The following MOGAT1 variants were observed in gnomAD, a reference collection of about 807,000 sequenced individuals.
MOGAT1 encodes the protein monoacylglycerol O-acyltransferase 1.
In MOGAT1, 32 loss-of-function variants were observed where a neutral mutation model predicts 31.4. The ratio of observed to expected loss-of-function variants is 1.02; its 90% confidence interval spans 0.77 to 1.37. The LOEUF (loss-of-function observed/expected upper bound fraction) is 1.37, where lower values mean the gene tolerates loss of function less well. Among genes scored for constraint, MOGAT1 ranks in the 40% most tolerant of loss-of-function variants. MOGAT1 has a pLI of 0.00. For synonymous variants in MOGAT1, 145 were observed against 144.5 expected (o/e 1.00, Z -0.03); for missense variants, 426 against 402.0 (o/e 1.06, Z -0.51).
At chr2:222,685,196 A>G (rs1222425874) in intron 1 of MOGAT1, among the ~76,000 whole-genome samples, 1 of 152,210 alleles carries the variant, frequency 6.6e-6, no homozygotes, top group Non-Finnish European at 1.5e-5. Context: ...GAGTGACAGG[A>G]ACTTGCCTCA....
intron 5 of MOGAT1, among the ~76,000 whole-genome samples, chr2:222,697,122 G>A (rs935307311): frequency 3.3e-5 from 5 of 152,172 alleles, no homozygotes; most frequent in African/African-American, 1.2e-4. Context: ...GAGCTAAAAT[G>A]AGAATGTGCT....
chr2:222,699,927 TTTAA>T (rs1255957827), intron 5 of MOGAT1, among the ~76,000 whole-genome samples: 34 of 152,354 alleles, frequency 2.2e-4, no homozygotes, highest in African/African-American at 7.2e-4. Context: ...TTAAATGCTG[TTTAA>T]TTAATAAAAT....
At chr2:222,681,000 G>A (rs186797830) in intron 1 of MOGAT1, among the ~76,000 whole-genome samples, 5 of 152,306 alleles carry the variant, frequency 3.3e-5, no homozygotes, top group Admixed American at 2.6e-4. Context: ...AGCGACAAGA[G>A]AGGGAAAATC....
At chr2:222,698,635 A>G (rs1054636207) in intron 5 of MOGAT1, 2 of 152,072 alleles carry the variant, frequency 1.3e-5, no homozygotes, top group African/African-American at 4.8e-5. Flanking sequence ...ACCTTCACCT[A>G]ATGGTTCAGG....
intron 1 of MOGAT1, among the ~76,000 whole-genome samples, chr2:222,684,413 A>G (rs1000069404): frequency 1.3e-5 from 2 of 152,314 alleles, no homozygotes; most frequent in East Asian, 3.8e-4. Context: ...CTCAAAAAAA[A>G]AAAGAAAGAA....
chr2:222,698,457 A>C (rs1474546624), intron 5 of MOGAT1, among the ~76,000 whole-genome samples: 1 of 152,216 alleles, frequency 6.6e-6, no homozygotes, highest in African/African-American at 2.4e-5. Flanking sequence ...TATGGACCCT[A>C]TCTCGGAAAT....
chr2:222,686,768 T>A (rs1412173540), intron 1 of MOGAT1, among the ~76,000 whole-genome samples: 1 of 152,198 alleles, frequency 6.6e-6, no homozygotes. Context: ...GTCAGTTTCC[T>A]GACTGGGTTC....
chr2:222,688,437 A>T lies in MOGAT1; in HGVS notation c.188A>T (p.His63Leu), dbSNP rs368911380. Residue 63 changes from histidine to leucine, a missense_variant, in exon 2 of 6, where the codon CAT (histidine) becomes CTT (leucine). Coordinates refer to ENST00000446656, the MANE Select transcript of MOGAT1 (RefSeq NM_058165.3). ...TTGATGTGGCTTTACTTTGACTGGCATACCCCAGAGCGAGGAGGCAGGAGA... is the reference window on the plus strand; with the variant it reads ...TTGATGTGGCTTTACTTTGACTGGCTTACCCCAGAGCGAGGAGGCAGGAGA... ...PYLMWLYFDWHTPERGGRRSS... is the reference protein window; with the variant it reads ...PYLMWLYFDWLTPERGGRRSS... 2.5e-6 allele frequency: 4 copies of T among 1,613,764 alleles called. No homozygotes were observed. The African/African-American group carries it at 5.3e-5, about 22-fold the overall frequency.
At chr2:222,693,551 C>T (rs1179750585) in intron 3 of MOGAT1, among the ~76,000 whole-genome samples, 1 of 149,626 alleles carries the variant, frequency 6.7e-6, no homozygotes, top group East Asian at 2.0e-4. Context: ...GAAAGACTTA[C>T]AGTTCTACAT....
chr2:222,671,723 G>A lies in MOGAT1; in HGVS notation c.-63G>A. On this transcript the variant is annotated 5_prime_UTR_variant, in exon 1 of 6. Transcript: ENST00000446656. ...CGGATCCGGCCGGGCACTTCCCACA[G>A]GCGCCGCAGAGCAGCGTGGGTGCAG... 2.1e-6 allele frequency: 3 copies of A among 1,408,432 alleles called. No individual in the cohort carries two copies. The allele number at this position is 1,408,432 out of a possible 1,614,324, so 87.2% of individuals were successfully genotyped here. A position where few individuals can be genotyped will look rare whatever the true frequency, so the allele number is the denominator to read the frequency against.
intron 3 of MOGAT1, among the ~76,000 whole-genome samples, chr2:222,692,096 T>C (rs1190152006): frequency 2.0e-5 from 3 of 152,100 alleles, no homozygotes; most frequent in Non-Finnish European, 4.4e-5. Flanking sequence ...AGGGATCTGA[T>C]GGATTTGGTG....
At chr2:222,676,732 T>C (rs1197257037) in intron 1 of MOGAT1, among the ~76,000 whole-genome samples, 6 of 152,352 alleles carry the variant, frequency 3.9e-5, no homozygotes, top group African/African-American at 4.8e-5. Context: ...AATTGCTCCA[T>C]GTCCTTACCA....
At chr2:222,693,274 G>C (rs1401170803) in intron 3 of MOGAT1, among the ~76,000 whole-genome samples, 1 of 152,136 alleles carries the variant, frequency 6.6e-6, no homozygotes, top group Non-Finnish European at 1.5e-5. Flanking sequence ...CCAAGAGTAT[G>C]TAGAACATGT....
intron 1 of MOGAT1, among the ~76,000 whole-genome samples, chr2:222,687,174 ATGT>A (rs1203760917): frequency 6.6e-6 from 1 of 151,178 alleles, no homozygotes; most frequent in Non-Finnish European, 1.5e-5. Flanking sequence ...ATATATATAA[ATGT>A]TGTTTTTGGT....
intron 5 of MOGAT1, among the ~76,000 whole-genome samples, chr2:222,705,214 G>C (rs1692988201): frequency 6.6e-6 from 1 of 152,130 alleles, no homozygotes; most frequent in Non-Finnish European, 1.5e-5. Context: ...TTGCCATCTT[G>C]GTTTTGGTGG....
intron 5 of MOGAT1, among the ~76,000 whole-genome samples, chr2:222,705,476 A>G (rs1188387150): frequency 6.6e-6 from 1 of 152,202 alleles, no homozygotes; most frequent in African/African-American, 2.4e-5. Context: ...CTGATGAGCT[A>G]TTCTCTCCAT....
intron 5 of MOGAT1, among the ~76,000 whole-genome samples, chr2:222,708,475 G>C (rs1322027995): frequency 6.6e-6 from 1 of 152,170 alleles, no homozygotes; most frequent in African/African-American, 2.4e-5. Flanking sequence ...GGGAATTTTT[G>C]TATTTTCTAA....
At chr2:222,698,612 T>C (rs889245400) in intron 5 of MOGAT1, 2 of 152,342 alleles carry the variant, frequency 1.3e-5, no homozygotes, top group Admixed American at 6.5e-5. Flanking sequence ...TAGTCGCAGC[T>C]GGAGAGTCAA....
chr2:222,688,639 CTG>C, intron 2 of MOGAT1, 117 bp downstream of exon 2: 2 of 740,862 alleles, frequency 2.7e-6, no homozygotes, highest in Non-Finnish European at 2.1e-6. Flanking sequence ...CTGTTTTGTG[CTG>C]CTGTAACAGA....
Sources: allele counts gnomAD v4.1 joint callset (sites outside exome capture counted in the v4.1 genomes callset), GRCh38; gene constraint gnomAD v4.1.1; transcripts MANE v1.5; gene names NCBI Gene and HGNC (gene_info 2026-07-23, HGNC 2026-07-21).